OLFM3: variants seen among roughly 807,000 people sequenced by gnomAD.
OLFM3 encodes the protein olfactomedin 3.
Under a neutral mutation model 48.6 loss-of-function variants are expected in OLFM3, and 20 were observed. The observed-to-expected ratio is 0.41, with a 90% CI of 0.29 to 0.60. OLFM3 has a LOEUF of 0.60. OLFM3 is among the 20% of genes least tolerant of loss of function. The probability of loss-of-function intolerance (pLI) is 0.28; values close to 1 mark genes in which losing one functional copy is unlikely to be tolerated. For missense variants in OLFM3, 437 were observed against 544.3 expected, an observed-to-expected ratio of 0.80 and a Z score of 1.96; for synonymous variants, 222 against 198.1, an observed-to-expected ratio of 1.12 and a Z score of -1.01.
At chr1:101,920,286 T>C (rs542886602) in intron 1 of OLFM3, among the ~76,000 whole-genome samples, 1 of 152,312 alleles carries the variant, frequency 6.6e-6, no homozygotes, top group South Asian at 2.1e-4. Flanking sequence ...GTCAGGATAG[T>C]GGCCTATAAA....
At chr1:101,865,016 G>A (rs6577278) in intron 1 of OLFM3, among the ~76,000 whole-genome samples, 79,999 of 152,022 alleles carry the variant, frequency 0.53, 21,823 homozygotes, top group African/African-American at 0.65. Flanking sequence ...TTGGTGCAAA[G>A]GTAATTTGCT....
intron 1 of OLFM3, among the ~76,000 whole-genome samples, chr1:101,883,985 A>G (rs1489683654): frequency 1.3e-5 from 2 of 151,852 alleles, no homozygotes; most frequent in Non-Finnish European, 2.9e-5. Flanking sequence ...TTAAGCCACT[A>G]TCACCAAGAG....
chr1:101,992,400 T>C (rs1410617445), intron 1 of OLFM3, among the ~76,000 whole-genome samples: 2 of 152,148 alleles, frequency 1.3e-5, no homozygotes, highest in African/African-American at 4.8e-5. Flanking sequence ...ATTTGCTCCA[T>C]CAAAACATAG....
intron 1 of OLFM3, among the ~76,000 whole-genome samples, chr1:101,965,198 A>C (rs2101088692): frequency 6.6e-6 from 1 of 152,318 alleles, no homozygotes; most frequent in East Asian, 1.9e-4. Flanking sequence ...TTTTGGCAAA[A>C]ATTAACTTCA....
chr1:101,868,877 G>T (rs1656962381), intron 1 of OLFM3, among the ~76,000 whole-genome samples: 1 of 152,198 alleles, frequency 6.6e-6, no homozygotes, highest in Admixed American at 6.5e-5. Flanking sequence ...TGCTTCAGAG[G>T]GTGCAAGCCC....
chr1:101,832,679 G>A (rs1557074), intron 2 of OLFM3, among the ~76,000 whole-genome samples: 43,457 of 152,146 alleles, frequency 0.29, 6,937 homozygotes, highest in Admixed American at 0.41. Flanking sequence ...TAAGTGTTCA[G>A]TGAATATTTA....
chr1:101,973,417 C>T (rs1660865119), intron 1 of OLFM3, among the ~76,000 whole-genome samples: 1 of 152,182 alleles, frequency 6.6e-6, no homozygotes, highest in Non-Finnish European at 1.5e-5. Context: ...GGACGAGGCT[C>T]ACTCGCGTTG....
intron 1 of OLFM3, among the ~76,000 whole-genome samples, chr1:101,902,231 A>G (rs1658411019): frequency 6.6e-6 from 1 of 152,098 alleles, no homozygotes; most frequent in Non-Finnish European, 1.5e-5. Context: ...CATAGTTAGG[A>G]GAGAATAATT....
At chr1:101,886,503 G>A (rs1657767079) in intron 1 of OLFM3, among the ~76,000 whole-genome samples, 1 of 152,042 alleles carries the variant, frequency 6.6e-6, no homozygotes, top group Non-Finnish European at 1.5e-5. Context: ...AAGGAAAAAA[G>A]TGAAATGAGA....
chr1:101,951,369 A>G (rs1392106470), intron 1 of OLFM3, among the ~76,000 whole-genome samples: 1 of 152,232 alleles, frequency 6.6e-6, no homozygotes, highest in East Asian at 1.9e-4. Flanking sequence ...AATATGTTAA[A>G]TGAAACACAA....
chr1:101,990,803 T>G (rs1343209837), intron 1 of OLFM3, among the ~76,000 whole-genome samples: 3 of 151,022 alleles, frequency 2.0e-5, no homozygotes. Context: ...GCTAACACAG[T>G]GAGACCCCGT....
At chr1:101,886,640 AG>A (rs1344955592) in intron 1 of OLFM3, among the ~76,000 whole-genome samples, 3 of 152,114 alleles carry the variant, frequency 2.0e-5, no homozygotes, top group Non-Finnish European at 4.4e-5. Context: ...AGACGACTCC[AG>A]GTGTTATCTG....
At chr1:101,916,633 A>C (rs1658935655) in intron 1 of OLFM3, among the ~76,000 whole-genome samples, 1 of 152,198 alleles carries the variant, frequency 6.6e-6, no homozygotes, top group Non-Finnish European at 1.5e-5. Flanking sequence ...TGCTAAGGAC[A>C]GTATTTTAAT....
At chr1:101,811,835 G>A (rs1351347316) in intron 4 of OLFM3, among the ~76,000 whole-genome samples, 1 of 152,000 alleles carries the variant, frequency 6.6e-6, no homozygotes, top group Non-Finnish European at 1.5e-5. Context: ...CCCATTACTG[G>A]GTATATACCC....
intron 1 of OLFM3, among the ~76,000 whole-genome samples, chr1:101,982,599 A>G (rs1661133393): frequency 6.6e-6 from 1 of 152,194 alleles, no homozygotes; most frequent in Non-Finnish European, 1.5e-5. Flanking sequence ...GGCTGAGTAA[A>G]GTAACTTCCC....
At chr1:101,969,740 TC>T (rs954970948) in intron 1 of OLFM3, among the ~76,000 whole-genome samples, 4 of 152,114 alleles carry the variant, frequency 2.6e-5, no homozygotes, top group South Asian at 4.2e-4. Context: ...GGGCTTTTTT[TC>T]CCCCGTCCAT....
chr1:101,908,852 CTG>C (rs1415134291), intron 1 of OLFM3, among the ~76,000 whole-genome samples: 1 of 152,168 alleles, frequency 6.6e-6, no homozygotes, highest in Non-Finnish European at 1.5e-5. Flanking sequence ...CACCAGAAAG[CTG>C]GAAGAGCCAA....
intron 1 of OLFM3, among the ~76,000 whole-genome samples, chr1:101,919,404 G>A (rs549420199): frequency 1.3e-5 from 2 of 152,072 alleles, no homozygotes; most frequent in South Asian, 4.2e-4. Context: ...CGTAATTTTA[G>A]TGAAAGTCAC....
At position 101,847,784 on chromosome 1, in the gene OLFM3, A is replaced by G. The variant is rs1656069896; in HGVS notation, c.70-10759T>C. ...AGGAAACTCAGTTAACTCTATTTTCAGTTTGTGAGGAATGACGGACTGATA... is the reference window on the plus strand; with the variant it reads ...AGGAAACTCAGTTAACTCTATTTTCGGTTTGTGAGGAATGACGGACTGATA... On this transcript the variant is annotated intron_variant, in intron 1 of 5. Transcript: ENST00000370103. Among the ~76,000 whole-genome samples, 3 of 152,150 alleles carry G rather than the reference A, an allele frequency of 2.0e-5. No homozygotes were observed. The South Asian group carries it at 6.2e-4, about 32-fold the overall frequency.
Sources: gnomAD v4.1 joint callset for allele counts (sites outside exome capture counted in the v4.1 genomes callset) on GRCh38, gnomAD v4.1.1 for gene constraint, MANE v1.5 for transcripts, NCBI Gene and HGNC (gene_info 2026-07-23, HGNC 2026-07-21) for gene names.